SYNE2: variants seen among roughly 807,000 people sequenced by gnomAD.
SYNE2 encodes spectrin repeat containing nuclear envelope protein 2, also known as nesprin-2.
In SYNE2, 431 loss-of-function variants were observed where a neutral mutation model predicts 856.3. The observed-to-expected ratio is 0.50, with a 90% CI of 0.47 to 0.55. SYNE2 has a LOEUF of 0.55. Among genes scored for constraint, SYNE2 ranks in the 20% least tolerant of loss-of-function variants. SYNE2 has a pLI of 0.00. For synonymous variants in SYNE2, 2,923 were observed against 2,872.3 expected (o/e 1.02, Z -0.56); for missense variants, 8,129 against 8,023.2 (o/e 1.01, Z -0.50).
chr14:63,805,211 TTC>T (rs1888312199), intron 1 of SYNE2, among the ~76,000 whole-genome samples: 1 of 152,240 alleles, frequency 6.6e-6, no homozygotes, highest in Non-Finnish European at 1.5e-5. Context: ...GCTATTTGTG[TTC>T]TTTTTTGAAT....
At chr14:63,924,246 C>T (rs1339078544) in intron 2 of SYNE2, among the ~76,000 whole-genome samples, 1 of 152,088 alleles carries the variant, frequency 6.6e-6, no homozygotes, top group East Asian at 1.9e-4. Flanking sequence ...GCCAATATTG[C>T]ACTATCTTGA....
intron 112 of SYNE2, 141 bp downstream of exon 112, chr14:64,221,845 G>A (rs2140417135): frequency 2.0e-6 from 2 of 1,012,696 alleles, no homozygotes; most frequent in Non-Finnish European, 3.0e-6. Context: ...CAGCCCTAGT[G>A]TTCCTCCAGT....
intron 8 of SYNE2, 114 bp from the exon 9 acceptor site, chr14:63,961,411 G>A: frequency 1.2e-6 from 1 of 831,556 alleles, no homozygotes. Flanking sequence ...TGACTACTTT[G>A]GTGCATTTCC....
chr14:64,118,745 C>T (rs2097873292), intron 66 of SYNE2, among the ~76,000 whole-genome samples: 1 of 151,774 alleles, frequency 6.6e-6, no homozygotes, highest in Admixed American at 6.6e-5. Flanking sequence ...CTTGTAATCC[C>T]AGCTACTCGG....
rs771518864 is a variant in SYNE2, at chr14:64,052,914, C to G, written c.9001C>G (p.Leu3001Val). Residue 3001 changes from leucine (L) to valine (V), a missense_variant, in exon 48 of 116, where the codon CTT (leucine) becomes GTT (valine). Physicochemically the swap from Leu to Val is conservative, Grantham distance 32. Coordinates refer to ENST00000555002, the MANE Select transcript of SYNE2 (RefSeq NM_182914.3). ...IKCCILQVLK[L>V]KKVFDYIGLN... ...GTGTTGCATCTTACAGGTATTGAAA[C>G]TTAAAAAAGTGTTTGACTATATTGG... 6.2e-7 allele frequency: 1 copy of G among 1,612,708 alleles called. No individual in the cohort carries two copies. Among genetic ancestry groups the G allele is most frequent in the East Asian group, 2.2e-5 (1 of 44,862 alleles).
intron 43 of SYNE2, among the ~76,000 whole-genome samples, 196 bp downstream of exon 43, chr14:64,027,989 G>A (rs1216429894): frequency 6.6e-6 from 1 of 151,978 alleles, no homozygotes; most frequent in African/African-American, 2.4e-5. Context: ...TCACTGCAGT[G>A]TCAACCTTTG....
In SYNE2 at chr14:63,981,287, A is replaced by G. The variant is rs889988024; in HGVS notation, c.1836+114A>G. On this transcript the variant is annotated intron_variant, in intron 16 of 115. Transcript: ENST00000555002. Reference sequence around the variant, plus strand: ...AGAGAAGAGTACACCAGTGTTTTGGAAAATTCTTCAAGGTCTTGGAAAGAA... The same window carrying G: ...AGAGAAGAGTACACCAGTGTTTTGGGAAATTCTTCAAGGTCTTGGAAAGAA... 13 of 931,574 alleles carry G rather than the reference A, an allele frequency of 1.4e-5. No individual in the cohort carries two copies. The East Asian group carries it at 3.0e-4, about 21-fold the overall frequency. The allele number at this position is 931,574 out of a possible 1,614,324, so 57.7% of individuals were successfully genotyped here.
intron 8 of SYNE2, among the ~76,000 whole-genome samples, chr14:63,955,392 C>T (rs1048704338): frequency 6.6e-6 from 1 of 152,150 alleles, no homozygotes; most frequent in Non-Finnish European, 1.5e-5. Flanking sequence ...GGATTGTTAA[C>T]AACAACATCC....
chr14:64,055,502 G>T (rs1333882247), intron 48 of SYNE2, among the ~76,000 whole-genome samples: 1 of 151,264 alleles, frequency 6.6e-6, no homozygotes, highest in Non-Finnish European at 1.5e-5. Context: ...CTGAGTAGCT[G>T]GGACTACAGG....
intron 1 of SYNE2, among the ~76,000 whole-genome samples, chr14:63,831,250 C>A (rs1889657693): frequency 6.6e-6 from 1 of 152,064 alleles, no homozygotes; most frequent in Non-Finnish European, 1.5e-5. Flanking sequence ...AGACCCCTTG[C>A]ATATCTGAAT....
At chr14:64,196,733 T>C (rs909248748) in intron 99 of SYNE2, 4 of 152,224 alleles carry the variant, frequency 2.6e-5, no homozygotes, top group East Asian at 1.9e-4. Flanking sequence ...AAATAACCCA[T>C]AGCCAAGATA....
Position 63,942,100 on chromosome 14 carries a change from C to G in SYNE2, c.365C>G (p.Ser122Cys). ...ACTGATATCATTGATGGAAACCCATCCATTATCCTTGGCCTAATTTGGACA... is the reference window on the plus strand; with the variant it reads ...ACTGATATCATTGATGGAAACCCATGCATTATCCTTGGCCTAATTTGGACA... ...HVTDIIDGNP[S>C]IILGLIWTII... Residue 122 changes from serine to cysteine, a missense_variant, in exon 6 of 116, where the codon TCC becomes TGC. Ser to Cys is a moderately radical substitution (Grantham distance 112). Coordinates refer to ENST00000555002, the MANE Select transcript of SYNE2 (RefSeq NM_182914.3). The G allele has an allele frequency of 6.2e-7, 1 of 1,611,360 alleles. No individual in the cohort carries two copies. Among genetic ancestry groups the G allele is most frequent in the Non-Finnish European group, 8.5e-7 (1 of 1,178,154 alleles).
At chr14:64,153,763 TATAAAG>T (rs1393696905) in intron 85 of SYNE2, among the ~76,000 whole-genome samples, 1 of 151,484 alleles carries the variant, frequency 6.6e-6, no homozygotes, top group African/African-American at 2.4e-5. Context: ...ATAATAAAAA[TATAAAG>T]AGAAAATTAA....
intron 1 of SYNE2, among the ~76,000 whole-genome samples, chr14:63,794,835 A>G (rs940688206): frequency 2.0e-5 from 3 of 152,230 alleles, no homozygotes; most frequent in Non-Finnish European, 2.9e-5. Flanking sequence ...GCCACTTTGG[A>G]AAACAATTTG....
chr14:64,113,689 A>G (rs2097830976), intron 66 of SYNE2, 118 bp downstream of exon 66: 4 of 1,125,660 alleles, frequency 3.6e-6, no homozygotes, highest in Admixed American at 4.0e-5. Flanking sequence ...CCTTACATTT[A>G]TCTTGGCCTC....
intron 85 of SYNE2, 100 bp downstream of exon 85, chr14:64,152,816 A>G: frequency 1.4e-6 from 2 of 1,446,908 alleles, no homozygotes; most frequent in Non-Finnish European, 9.6e-7. Flanking sequence ...GAGACTCTCT[A>G]TACCAAACAC....
In SYNE2 at chr14:64,029,945, G is replaced by C. The variant is rs2153543879; in HGVS notation, c.6765G>C (p.Gln2255His). The C allele has an allele frequency of 6.2e-7, 1 of 1,614,078 alleles. No individual in the cohort carries two copies. Among genetic ancestry groups the C allele is most frequent in the African/African-American group, 1.3e-5 (1 of 75,026 alleles). ...ACGTTCGAGAACATGATTCATACCA[G>C]GTTTGCGTCACAGACCTGAATACTA... Reference protein sequence around the residue: ...DGHVREHDSYQVCVTDLNTTL... With the variant: ...DGHVREHDSYHVCVTDLNTTL... The change falls in exon 44 of 116, where the codon CAG becomes CAC. Residue 2255 changes from glutamine (Q) to histidine (H), a missense_variant. Gln to His is a conservative substitution (Grantham distance 24). Coordinates refer to ENST00000555002, the MANE Select transcript of SYNE2 (RefSeq NM_182914.3).
chr14:64,224,898 A>C, intron 114 of SYNE2, 101 bp from the exon 115 acceptor site: 1 of 1,131,184 alleles, frequency 8.8e-7, no homozygotes, highest in Non-Finnish European at 1.3e-6. Flanking sequence ...GTAACACAAC[A>C]TAAAGGTGGT....
At chr14:63,784,919 A>T (rs1006861859) in intron 1 of SYNE2, among the ~76,000 whole-genome samples, 9 of 151,348 alleles carry the variant, frequency 5.9e-5, no homozygotes, top group African/African-American at 1.9e-4. Flanking sequence ...ATGTGTGTAC[A>T]TCTACTAAAT....
Sources: gnomAD v4.1 joint callset for allele counts (sites outside exome capture counted in the v4.1 genomes callset) on GRCh38, gnomAD v4.1.1 for gene constraint, MANE v1.5 for transcripts, NCBI Gene and HGNC (gene_info 2026-07-23, HGNC 2026-07-21) for gene names.